The following ERBB4 variants were observed in gnomAD, a reference collection of about 807,000 sequenced individuals.
ERBB4 encodes the protein erb-b2 receptor tyrosine kinase 4.
A neutral mutation model predicts 158.0 loss-of-function variants in ERBB4; 42 were observed. The observed-to-expected ratio is 0.27, with a 90% CI of 0.21 to 0.34. The LOEUF (loss-of-function observed/expected upper bound fraction) is 0.34. ERBB4 is among the 10% of genes least tolerant of loss of function. ERBB4 has a pLI of 1.00. For synonymous variants in ERBB4, 583 were observed against 558.7 expected (o/e 1.04, Z -0.61); for missense variants, 1,333 against 1,624.1 (o/e 0.82, Z 3.08).
At chr2:212,410,195 T>C (rs1384363289) in intron 1 of ERBB4, among the ~76,000 whole-genome samples, 1 of 152,044 alleles carries the variant, frequency 6.6e-6, no homozygotes, top group African/African-American at 2.4e-5. Flanking sequence ...AAATGTATGA[T>C]ACCTGTTACT....
intron 2 of ERBB4, among the ~76,000 whole-genome samples, chr2:212,108,387 C>T (rs2079294306): frequency 6.6e-6 from 1 of 152,100 alleles, no homozygotes; most frequent in Admixed American, 6.5e-5. Flanking sequence ...GTTTAAGCCC[C>T]CTAAGACAAA....
intron 2 of ERBB4, among the ~76,000 whole-genome samples, chr2:211,980,045 C>A (rs752076637): frequency 2.6e-5 from 4 of 152,030 alleles, no homozygotes; most frequent in African/African-American, 9.7e-5. Flanking sequence ...TAATCGCAAC[C>A]TTATTTTGAA....
intron 20 of ERBB4, among the ~76,000 whole-genome samples, chr2:211,459,570 C>A (rs2064474772): frequency 6.6e-6 from 1 of 152,118 alleles, no homozygotes; most frequent in African/African-American, 2.4e-5. Flanking sequence ...ATATTGCTCA[C>A]ATGGTAGTGA....
chr2:211,905,020 T>C (rs563867691), intron 3 of ERBB4, among the ~76,000 whole-genome samples: 7 of 152,162 alleles, frequency 4.6e-5, no homozygotes, highest in Non-Finnish European at 8.8e-5. Context: ...TTCTTTGTAT[T>C]AGTCTGGCAT....
chr2:211,769,043 A>C (rs1471356705), intron 4 of ERBB4, among the ~76,000 whole-genome samples: 1 of 152,146 alleles, frequency 6.6e-6, no homozygotes, highest in African/African-American at 2.4e-5. Flanking sequence ...CTTTAGCAGC[A>C]CCCTAGTCAT....
At chr2:212,034,743 C>G (rs958689442) in intron 2 of ERBB4, among the ~76,000 whole-genome samples, 1 of 151,960 alleles carries the variant, frequency 6.6e-6, no homozygotes, top group Non-Finnish European at 1.5e-5. Flanking sequence ...GCCTTTTTCT[C>G]TTATATCATA....
At chr2:211,596,229 A>T (rs76688603) in intron 19 of ERBB4, among the ~76,000 whole-genome samples, 1 of 152,086 alleles carries the variant, frequency 6.6e-6, no homozygotes, top group Non-Finnish European at 1.5e-5. Flanking sequence ...AAAAAAAAAA[A>T]GTCTGAATGC....
At chr2:212,371,872 T>C (rs1033205407) in intron 1 of ERBB4, among the ~76,000 whole-genome samples, 3 of 152,316 alleles carry the variant, frequency 2.0e-5, no homozygotes, top group South Asian at 2.1e-4. Flanking sequence ...AAGAGTTACA[T>C]AGGCGAGAAC....
chr2:211,813,777 T>A (rs1041403003), intron 3 of ERBB4, among the ~76,000 whole-genome samples: 4 of 152,006 alleles, frequency 2.6e-5, no homozygotes, highest in Non-Finnish European at 4.4e-5. Context: ...CTTAATTTTT[T>A]AAATCTGATA....
At chr2:212,463,754 G>A (rs534973695) in intron 1 of ERBB4, among the ~76,000 whole-genome samples, 44 of 152,094 alleles carry the variant, frequency 2.9e-4, no homozygotes, top group South Asian at 2.3e-3. Context: ...AGTTTCATTC[G>A]ATTAGCTTCA....
intron 5 of ERBB4, among the ~76,000 whole-genome samples, chr2:211,733,336 G>A (rs1002403524): frequency 2.6e-5 from 4 of 152,032 alleles, no homozygotes; most frequent in East Asian, 3.9e-4. Flanking sequence ...GCCTTGTTAC[G>A]TTAACTATAA....
chr2:211,826,247 T>TA (rs1471688090), intron 3 of ERBB4, among the ~76,000 whole-genome samples: 1 of 151,756 alleles, frequency 6.6e-6, no homozygotes, highest in South Asian at 2.1e-4. Context: ...TTGCTTTTTT[T>TA]AAAAAAATCC....
intron 20 of ERBB4, among the ~76,000 whole-genome samples, chr2:211,465,978 C>A (rs1025301880): frequency 2.0e-5 from 3 of 152,036 alleles, no homozygotes; most frequent in Admixed American, 2.0e-4. Context: ...AAGGTCAGAC[C>A]CTTTTTGCTG....
chr2:211,463,987 T>C (rs75570477), intron 20 of ERBB4, among the ~76,000 whole-genome samples: 206 of 152,260 alleles, frequency 1.4e-3, no homozygotes, highest in Middle Eastern at 3.4e-3. Flanking sequence ...CTTCTGTTTA[T>C]AGTGTTGTTT....
At chr2:212,381,132 C>T (rs1045561958) in intron 1 of ERBB4, among the ~76,000 whole-genome samples, 7 of 151,234 alleles carry the variant, frequency 4.6e-5, no homozygotes, top group Non-Finnish European at 7.4e-5. Context: ...GTTTAAAATG[C>T]TAACAAGCTT....
chr2:211,742,591 TTTTG>T (rs752838612), intron 5 of ERBB4, among the ~76,000 whole-genome samples: 4 of 85,924 alleles, frequency 4.7e-5, no homozygotes, highest in African/African-American at 7.2e-5. Flanking sequence ...CAGGCTAAGG[TTTTG>T]TTTTTTTCCC....
At chr2:211,949,325 G>A (rs1301971787) in intron 2 of ERBB4, among the ~76,000 whole-genome samples, 2 of 152,116 alleles carry the variant, frequency 1.3e-5, no homozygotes, top group Non-Finnish European at 2.9e-5. Flanking sequence ...CAGAGTAACA[G>A]ACAAAATACT....
At chr2:211,687,145 AGTAC>A (rs768364832) in intron 12 of ERBB4, among the ~76,000 whole-genome samples, 1 of 148,014 alleles carries the variant, frequency 6.8e-6, no homozygotes. Context: ...AAAAAAAAAA[AGTAC>A]AAAAAGTTAG....
Position 212,505,083 on chromosome 2 carries a change from T to G in ERBB4, c.82+33366A>C, listed in dbSNP as rs963395171. Among the ~76,000 whole-genome samples the G allele has an allele frequency of 5.4e-4, 82 of 152,162 alleles. 1 individual carries two copies. Among genetic ancestry groups the G allele is most frequent in the African/African-American group, 1.8e-3 (74 of 41,436 alleles). On this transcript the variant is annotated intron_variant, in intron 1 of 27. Coordinates refer to ENST00000342788, the MANE Select transcript of ERBB4 (RefSeq NM_005235.3). ...TGTTTCTTACTCTTGCTTTTGTTTT[T>G]GTTTCTTTTGTTTGTTTGGTTGGTT... is the stretch of plus-strand genomic sequence containing the variant.
Sources: allele counts gnomAD v4.1 joint callset (sites outside exome capture counted in the v4.1 genomes callset), GRCh38; gene constraint gnomAD v4.1.1; transcripts MANE v1.5; gene names NCBI Gene and HGNC (gene_info 2026-07-23, HGNC 2026-07-21).